Variants in IL1RAPL2 observed in about 807,000 individuals in gnomAD.
IL1RAPL2 encodes X-linked interleukin-1 receptor accessory protein-like 2.
In IL1RAPL2, 3 loss-of-function variants were observed where a neutral mutation model predicts 44.1. The observed-to-expected ratio is 0.07, with a 90% CI of 0.03 to 0.18. The LOEUF is 0.18. Ranked by LOEUF, IL1RAPL2 falls within the 10% of genes least tolerant of loss-of-function variation. The pLI, the probability that IL1RAPL2 is intolerant of heterozygous loss-of-function variation, is 1.00. For missense variants in IL1RAPL2, 391 were observed against 496.4 expected (o/e 0.79, Z 2.02); for synonymous variants, 181 against 178.8 (o/e 1.01, Z -0.10).
chrX:104,799,568 C>A (rs1390870888), intron 2 of IL1RAPL2, among the ~76,000 whole-genome samples: 2 of 112,146 alleles, frequency 1.8e-5, no homozygotes, highest in Admixed American at 9.5e-5. Context: ...TTAACCAACT[C>A]TTCTTAGAAA....
intron 2 of IL1RAPL2, among the ~76,000 whole-genome samples, chrX:104,941,955 G>A (rs1925189457): frequency 1.8e-5 from 2 of 111,572 alleles, no homozygotes; most frequent in Admixed American, 9.5e-5. Flanking sequence ...ATTAAATAGG[G>A]AATCCTTTCC....
intron 2 of IL1RAPL2, among the ~76,000 whole-genome samples, chrX:104,753,156 G>C (rs1289524589): frequency 9.6e-6 from 1 of 104,666 alleles, no homozygotes; most frequent in Non-Finnish European, 2.0e-5. Flanking sequence ...TTTTTGGAGA[G>C]CCCCCATTCT....
rs778437227 is a variant in IL1RAPL2, at chrX:105,073,271, G to A, written c.83-122204G>A. Among the ~76,000 whole-genome samples, 378 of 88,185 alleles carry A rather than the reference G, an allele frequency of 4.3e-3. 6 individuals are homozygous for A. Among genetic ancestry groups the A allele is most frequent in the African/African-American group, 0.015 (355 of 22,926 alleles). The allele number at this position is 88,185 out of a possible 115,157, so 76.6% of individuals were successfully genotyped here. A position where few individuals can be genotyped will look rare whatever the true frequency, so the allele number is the denominator to read the frequency against. On this transcript the variant is annotated intron_variant, in intron 2 of 10. Coordinates refer to ENST00000372582, the MANE Select transcript of IL1RAPL2 (RefSeq NM_017416.2). ...CATGTGTTCTCATTGTTCAATTCCC[G>A]CCTATGAGTGAGAACATGCGGTGTT... is the stretch of plus-strand genomic sequence containing the variant.
intron 2 of IL1RAPL2, among the ~76,000 whole-genome samples, chrX:104,987,681 G>T (rs758580313): frequency 9.0e-6 from 1 of 110,653 alleles, no homozygotes; most frequent in Non-Finnish European, 1.9e-5. Flanking sequence ...CAAGAAGGCT[G>T]CCCTCCTGCA....
chrX:104,809,692 G>A (rs1334352836), intron 2 of IL1RAPL2, among the ~76,000 whole-genome samples: 2 of 108,895 alleles, frequency 1.8e-5, no homozygotes, highest in African/African-American at 3.5e-5. Flanking sequence ...TGTTCACTCT[G>A]ATGGTAGTTT....
intron 2 of IL1RAPL2, among the ~76,000 whole-genome samples, chrX:105,084,701 G>A (rs765234703): frequency 4.2e-4 from 47 of 112,200 alleles, no homozygotes; most frequent in Non-Finnish European, 7.7e-4. Context: ...GCTGAAATGA[G>A]TTAAGACTTT....
intron 2 of IL1RAPL2, among the ~76,000 whole-genome samples, chrX:104,788,019 C>T (rs1932807378): frequency 9.0e-6 from 1 of 110,893 alleles, no homozygotes. Context: ...TTGGAACTGA[C>T]CAGAAATCAG....
intron 6 of IL1RAPL2, among the ~76,000 whole-genome samples, chrX:105,534,609 C>T: frequency 9.0e-6 from 1 of 111,720 alleles, no homozygotes; most frequent in Non-Finnish European, 1.9e-5. Flanking sequence ...TTAAGACTTA[C>T]TCTACAGCAA....
At chrX:104,993,886 G>C (rs1318979742) in intron 2 of IL1RAPL2, among the ~76,000 whole-genome samples, 1 of 111,751 alleles carries the variant, frequency 8.9e-6, no homozygotes, top group African/African-American at 3.2e-5. Flanking sequence ...ATGCTATACT[G>C]TATTACAGTT....
At chrX:104,761,905 CCTTCTCCTTCTCCTTCTCCTTCTTCTT>C (rs1569309847) in intron 2 of IL1RAPL2, among the ~76,000 whole-genome samples, 77 of 48,500 alleles carry the variant, frequency 1.6e-3, no homozygotes, top group African/African-American at 7.1e-3. Context: ...TTCTCCTTCT[CCTTCTCCTTCTCCTTCTCCTTCTTCTT>C]CTTCTTCTTC....
At chrX:104,921,356 C>T (rs1430830665) in intron 2 of IL1RAPL2, among the ~76,000 whole-genome samples, 1 of 110,848 alleles carries the variant, frequency 9.0e-6, no homozygotes, top group African/African-American at 3.3e-5. Context: ...GTCCCACTGC[C>T]ATTGCCATGG....
chrX:105,175,460 G>C lies in IL1RAPL2; in HGVS notation c.83-20015G>C, dbSNP rs146929487. On this transcript the variant is annotated intron_variant, in intron 2 of 10. Coordinates refer to ENST00000372582, the MANE Select transcript of IL1RAPL2 (RefSeq NM_017416.2). ...ATTAATTATGATTATGCTATCAATA[G>C]AGTATGTTACTGATATTCCAAAATC... 7.3e-3 allele frequency among the ~76,000 whole-genome samples: 814 copies of C among 111,468 alleles called. 8 individuals are homozygous for C. The highest frequency in any genetic ancestry group is 0.026 in the African/African-American group (784 of 30,710).
chrX:105,013,517 C>T lies in IL1RAPL2; in HGVS notation c.83-181958C>T, dbSNP rs1228839695. ...TACCAGAGACAGAGGTATAATGTCA[C>T]CAGGATCCTAGAGTAGAAACATCCT... is the stretch of plus-strand genomic sequence containing the variant. On this transcript the variant is annotated intron_variant, in intron 2 of 10. Coordinates refer to ENST00000372582, the MANE Select transcript of IL1RAPL2 (RefSeq NM_017416.2). Among the ~76,000 whole-genome samples the T allele has an allele frequency of 7.3e-5, 8 of 110,092 alleles. No homozygotes were observed. The East Asian group carries it at 2.3e-3, about 32-fold the overall frequency.
intron 2 of IL1RAPL2, among the ~76,000 whole-genome samples, chrX:104,979,419 A>T (rs1317485188): frequency 1.8e-5 from 2 of 111,383 alleles, no homozygotes; most frequent in Non-Finnish European, 3.8e-5. Flanking sequence ...AACTCTAGAA[A>T]CTCTAGTGGA....
chrX:105,124,400 A>G (rs1014116277), intron 2 of IL1RAPL2, among the ~76,000 whole-genome samples: 1 of 110,981 alleles, frequency 9.0e-6, no homozygotes, highest in Non-Finnish European at 1.9e-5. Context: ...CATATACCTC[A>G]GAGTACAAAG....
chrX:105,390,077 A>C (rs1206302073), intron 5 of IL1RAPL2, among the ~76,000 whole-genome samples: 1 of 111,683 alleles, frequency 9.0e-6, no homozygotes, highest in Non-Finnish European at 1.9e-5. Context: ...ATCAGTCAAA[A>C]CAAGGTTTTT....
intron 5 of IL1RAPL2, among the ~76,000 whole-genome samples, chrX:105,430,529 A>G (rs1179734755): frequency 2.7e-5 from 3 of 111,827 alleles, no homozygotes; most frequent in Non-Finnish European, 3.8e-5. Flanking sequence ...TAATAGAGTT[A>G]CATAATACAC....
At chrX:104,743,151 G>T (rs1197857889) in intron 2 of IL1RAPL2, among the ~76,000 whole-genome samples, 1 of 110,768 alleles carries the variant, frequency 9.0e-6, no homozygotes, top group Non-Finnish European at 1.9e-5. Flanking sequence ...AAAATGCAAT[G>T]AGTTGTGTGT....
intron 6 of IL1RAPL2, among the ~76,000 whole-genome samples, chrX:105,553,993 A>G (rs1030777141): frequency 2.7e-5 from 3 of 113,061 alleles, no homozygotes; most frequent in East Asian, 5.6e-4. Flanking sequence ...AAGATACCAC[A>G]GTCATTCTGA....
Sources: gnomAD v4.1 joint callset for allele counts (sites outside exome capture counted in the v4.1 genomes callset) on GRCh38, gnomAD v4.1.1 for gene constraint, MANE v1.5 for transcripts, NCBI Gene and HGNC (gene_info 2026-07-23, HGNC 2026-07-21) for gene names.